COPB2: variants seen among roughly 807,000 people sequenced by gnomAD.
COPB2 encodes the protein coat protein complex I subunit beta 2.
A neutral mutation model predicts 120.8 loss-of-function variants in COPB2; 16 were observed. That is an observed-to-expected ratio of 0.13 (90% CI 0.09 to 0.20). The LOEUF (loss-of-function observed/expected upper bound fraction) is 0.20, where lower values mean the gene tolerates loss of function less well. Ranked by LOEUF, COPB2 falls within the 10% of genes least tolerant of loss-of-function variation. The probability of loss-of-function intolerance (pLI) is 1.00; values close to 1 mark genes in which losing one functional copy is unlikely to be tolerated. For missense variants in COPB2, 794 were observed against 1,076.5 expected (o/e 0.74, Z 3.67); for synonymous variants, 332 against 366.3 (o/e 0.91, Z 1.07).
At chr3:139,366,798 G>C in intron 14 of COPB2, 23 bp from the exon 15 acceptor site, 4 of 1,605,594 alleles carry the variant, frequency 2.5e-6, no homozygotes, top group Non-Finnish European at 3.4e-6. Context: ...CAGAAACCAA[G>C]TTAGAAATTC....
In COPB2 at chr3:139,383,447, C is replaced by CA. The variant is rs1941851877; in HGVS notation, c.4-13dup. On this transcript the variant is annotated splice_polypyrimidine_tract_variant and intron_variant, in intron 1 of 21. Coordinates refer to ENST00000333188, the MANE Select transcript of COPB2 (RefSeq NM_004766.3). ...TCAAGTCGCAGAGGCTAAAAAGAAA[C>CA]ATTAAAAAAATTAAATTGCTAAGCC... The CA allele has an allele frequency of 6.5e-7, 1 of 1,527,300 alleles. No individual in the cohort carries two copies. The highest frequency in any genetic ancestry group is 8.8e-7 in the Non-Finnish European group (1 of 1,140,050). 94.6% of individuals were successfully genotyped at this position (1,527,300 alleles called of 1,614,324 possible). A position where few individuals can be genotyped will look rare whatever the true frequency, so the allele number is the denominator to read the frequency against.
At chr3:139,381,746 G>T (rs548556592) in intron 2 of COPB2, 1 of 152,236 alleles carries the variant, frequency 6.6e-6, no homozygotes, top group South Asian at 2.1e-4. Context: ...AAGTACGCCT[G>T]GGCTTTAGAA....
chr3:139,375,663 A>C (rs1459621164), intron 5 of COPB2, 49 bp from the exon 6 acceptor site: 1 of 1,583,108 alleles, frequency 6.3e-7, no homozygotes. Flanking sequence ...CTTGCTTTAC[A>C]AAAGGCAAAT....
At chr3:139,362,327 T>A in intron 16 of COPB2, 80 bp downstream of exon 16, 1 of 938,826 alleles carries the variant, frequency 1.1e-6, no homozygotes, top group South Asian at 2.1e-5. Flanking sequence ...AAAACTTTAA[T>A]AACAAAACAT....
chr3:139,379,765 G>T, intron 2 of COPB2: 1 of 295,188 alleles, frequency 3.4e-6, no homozygotes, highest in Non-Finnish European at 6.3e-6. Flanking sequence ...GCTACTCCCA[G>T]CCTCACCTCT....
At chr3:139,377,526 CATA>C (rs1941736066) in intron 5 of COPB2, among the ~76,000 whole-genome samples, 1 of 152,312 alleles carries the variant, frequency 6.6e-6, no homozygotes, top group African/African-American at 2.4e-5. Context: ...GGAGATGTCG[CATA>C]ATATTAGCCC....
intron 12 of COPB2, 105 bp from the exon 13 acceptor site, chr3:139,368,393 G>A (rs9289574): frequency 0.47 from 561,716 of 1,184,496 alleles, 145,682 homozygotes; most frequent in Non-Finnish European, 0.53. Context: ...ATATCAAGAT[G>A]ATAAGTATTC....
intron 10 of COPB2, among the ~76,000 whole-genome samples, 180 bp downstream of exon 10, chr3:139,371,543 G>C (rs959518273): frequency 6.6e-6 from 1 of 152,192 alleles, no homozygotes; most frequent in African/African-American, 2.4e-5. Context: ...AACAAAGAAA[G>C]CACTAAGACG....
chr3:139,389,416 A>G (rs1199420736), intron 1 of COPB2, 132 bp downstream of exon 1: 2 of 1,313,992 alleles, frequency 1.5e-6, no homozygotes, highest in African/African-American at 1.5e-5. Flanking sequence ...AACGACCAAG[A>G]CCCCGCAAGG....
intron 7 of COPB2, 52 bp downstream of exon 7, chr3:139,374,437 A>G (rs1340930932): frequency 5.0e-6 from 7 of 1,413,038 alleles, no homozygotes; most frequent in Non-Finnish European, 5.0e-6. Flanking sequence ...CTTGCTTTAA[A>G]TGCCCACTGA....
chr3:139,375,705 C>G, intron 5 of COPB2, 91 bp from the exon 6 acceptor site: 1 of 1,410,752 alleles, frequency 7.1e-7, no homozygotes, highest in South Asian at 1.5e-5. Context: ...ATGTAAAATG[C>G]CAAAGCCCAG....
rs977673615 is a variant in COPB2, at chr3:139,360,306, T to C, written c.2210+775A>G. 3.3e-5 allele frequency among the ~76,000 whole-genome samples: 5 copies of C among 151,746 alleles called. No individual in the cohort carries two copies. In the South Asian group the frequency reaches 1.0e-3, roughly 32 times the overall value. ...TGGGAGGACGAGGCAGGCGGATCATTTGAGGTCAGGAGTTTGAGACCAGCC... is the reference window on the plus strand; with the variant it reads ...TGGGAGGACGAGGCAGGCGGATCATCTGAGGTCAGGAGTTTGAGACCAGCC... On this transcript the variant is annotated intron_variant, in intron 17 of 21. Transcript: ENST00000333188.
At chr3:139,371,573 C>G in intron 10 of COPB2, 150 bp downstream of exon 10, 2 of 610,428 alleles carry the variant, frequency 3.3e-6, no homozygotes, top group Non-Finnish European at 5.7e-6. Context: ...ATACACTCGC[C>G]TCTGACTCTC....
At position 139,389,569 on chromosome 3, in the gene COPB2, C is replaced by A; in HGVS notation, c.-19G>T. ...CTACCATGGCTGCGTCGGTCCAATC[C>A]CGGGAACCCTCGTTTGTTACCGGCT... On this transcript the variant is annotated 5_prime_UTR_variant, in exon 1 of 22. Coordinates refer to ENST00000333188, the MANE Select transcript of COPB2 (RefSeq NM_004766.3). The A allele has an allele frequency of 6.4e-7, 1 of 1,573,086 alleles. No individual in the cohort carries two copies. Among genetic ancestry groups the A allele is most frequent in the Non-Finnish European group, 8.7e-7 (1 of 1,152,184 alleles).
At chr3:139,380,466 T>A (rs1941790779) in intron 2 of COPB2, 1 of 152,198 alleles carries the variant, frequency 6.6e-6, no homozygotes, top group Non-Finnish European at 1.5e-5. Flanking sequence ...CTGCTCAGAA[T>A]GGAATTATAC....
In COPB2 at chr3:139,379,029, A is replaced by G; in HGVS notation, c.355+18T>C. On this transcript the variant is annotated intron_variant, in intron 4 of 21. Coordinates refer to ENST00000333188, the MANE Select transcript of COPB2 (RefSeq NM_004766.3). ...TTACCCAAAGAGACGCACATGACCA[A>G]AAAAGGTCATCTCTTACCACTGCTA... The G allele has an allele frequency of 6.4e-7, 1 of 1,564,632 alleles. No individual in the cohort carries two copies. Among genetic ancestry groups the G allele is most frequent in the Non-Finnish European group, 8.6e-7 (1 of 1,160,814 alleles).
intron 1 of COPB2, among the ~76,000 whole-genome samples, chr3:139,388,038 T>C (rs1941956198): frequency 6.6e-6 from 1 of 152,146 alleles, no homozygotes; most frequent in Non-Finnish European, 1.5e-5. Flanking sequence ...CCACAAAGGA[T>C]TTAAAATATA....
At chr3:139,384,097 T>C (rs1159379672) in intron 1 of COPB2, among the ~76,000 whole-genome samples, 1 of 152,186 alleles carries the variant, frequency 6.6e-6, no homozygotes, top group Non-Finnish European at 1.5e-5. Flanking sequence ...TTCTTCGAAA[T>C]TCGAGAAGTG....
intron 16 of COPB2, among the ~76,000 whole-genome samples, chr3:139,361,496 A>G (rs1263450179): frequency 6.6e-6 from 1 of 152,250 alleles, no homozygotes. Context: ...ATTTAAACAC[A>G]AATCAATTTT....
Sources: allele counts gnomAD v4.1 joint callset (sites outside exome capture counted in the v4.1 genomes callset), GRCh38; gene constraint gnomAD v4.1.1; transcripts MANE v1.5; gene names NCBI Gene and HGNC (gene_info 2026-07-23, HGNC 2026-07-21).